The following SSTR3 variants were observed in gnomAD, a reference collection of about 807,000 sequenced individuals.
SSTR3 encodes somatostatin receptor 3, also known as somatostatin receptor type 3.
For synonymous variants in SSTR3, 281 were observed against 269.2 expected, an observed-to-expected ratio of 1.04 and a Z score of -0.43; for missense variants, 504 against 604.7, an observed-to-expected ratio of 0.83 and a Z score of 1.75.
rs1311670947 is a variant in SSTR3, at chr22:37,207,048, T to C, written c.756A>G (p.Glu252=). The C allele has an allele frequency of 3.7e-6, 6 of 1,612,186 alleles. No homozygotes were observed. Among genetic ancestry groups the C allele is most frequent in the Non-Finnish European group, 5.1e-6 (6 of 1,179,644 alleles). ...APSCQRRRRS[E]RRVTRMVVAV... ...CCACCACCATGCGCGTGACCCTGCG[T>C]TCGGAGCGCCGCCGCCGCTGGCACG... is the stretch of plus-strand genomic sequence containing the variant. Residue 252 remains glutamate, a synonymous_variant, in exon 2 of 2, where the codon GAA becomes GAG. Transcript: ENST00000610913.
In SSTR3 at chr22:37,211,767, AG is replaced by A. The variant is rs1412898696; in HGVS notation, c.-37+57del. ...AGCCTCCCAAGTTCATCCTGGGCAGAGGATGGGCTTCCAGGACCCCACCCTT... is the reference window on the plus strand; with the variant it reads ...AGCCTCCCAAGTTCATCCTGGGCAGAGATGGGCTTCCAGGACCCCACCCTT... On this transcript the variant is annotated intron_variant, in intron 1 of 1. Coordinates refer to ENST00000610913, the MANE Select transcript of SSTR3 (RefSeq NM_001051.5). The A allele has an allele frequency of 1.2e-5, 12 of 985,318 alleles. No homozygotes were observed. In the South Asian group the frequency reaches 3.8e-4, roughly 31 times the overall value. The allele number at this position is 985,318 out of a possible 1,614,324, so 61.0% of individuals were successfully genotyped here. A position where few individuals can be genotyped will look rare whatever the true frequency, so the allele number is the denominator to read the frequency against.
intron 1 of SSTR3, among the ~76,000 whole-genome samples, chr22:37,210,080 G>A (rs925368067): frequency 1.3e-5 from 2 of 152,162 alleles, no homozygotes; most frequent in Admixed American, 6.5e-5. Flanking sequence ...GGGGACCCGC[G>A]TCACCATCCA....
At position 37,204,793 on chromosome 22, in the gene SSTR3, G is replaced by A. The variant is rs1348430601; in HGVS notation, c.*1754C>T. On this transcript the variant is annotated 3_prime_UTR_variant, in exon 2 of 2. Transcript: ENST00000610913. ...GCCAAGCTGGGATTCATCTCCATTT[G>A]TTGATGGGGAAATTGAGGCCCGGAA... 6.6e-6 allele frequency: 1 copy of A among 152,318 alleles called. No homozygotes were observed. The highest frequency in any genetic ancestry group is 1.5e-5 in the Non-Finnish European group (1 of 68,094). 9.4% of individuals were successfully genotyped at this position (152,318 alleles called of 1,614,324 possible). A position where few individuals can be genotyped will look rare whatever the true frequency, so the allele number is the denominator to read the frequency against.
upstream of SSTR3, among the ~76,000 whole-genome samples, chr22:37,216,893 C>G (rs1430915324): frequency 2.0e-5 from 3 of 152,142 alleles, no homozygotes; most frequent in Non-Finnish European, 1.5e-5. Context: ...CTCTGCCTCC[C>G]AGGCCCAAGC....
chr22:37,220,222 G>A, the SSTR3 span, among the ~76,000 whole-genome samples: 1 of 152,128 alleles, frequency 6.6e-6, no homozygotes, highest in African/African-American at 2.4e-5. Context: ...GGAAGATCTG[G>A]GAGAGTAGGT....
At chr22:37,216,180 C>G (rs909374627), upstream of SSTR3, among the ~76,000 whole-genome samples, 164 of 150,430 alleles carry the variant, frequency 1.1e-3, 1 homozygote, top group Non-Finnish European at 1.8e-3. Context: ...AACAGCAGTC[C>G]TCCCCCATCC....
At chr22:37,210,326 C>T (rs1926114828) in intron 1 of SSTR3, among the ~76,000 whole-genome samples, 1 of 151,054 alleles carries the variant, frequency 6.6e-6, no homozygotes, top group South Asian at 2.1e-4. Context: ...CACCCACAAG[C>T]GCATGCGCTG....
upstream of SSTR3, among the ~76,000 whole-genome samples, chr22:37,216,196 AC>A (rs1042224171): frequency 2.2e-5 from 2 of 92,278 alleles, no homozygotes; most frequent in East Asian, 9.3e-4. Flanking sequence ...CATCCCTCCC[AC>A]CCCCCCATCC....
upstream of SSTR3, among the ~76,000 whole-genome samples, chr22:37,213,547 C>T (rs1569083004): frequency 6.6e-6 from 1 of 152,220 alleles, no homozygotes; most frequent in Non-Finnish European, 1.5e-5. Context: ...CACAGTAGGA[C>T]ACACCCACTT....
rs1311437187 is a variant in SSTR3 at position 37,206,666 on chromosome 22, G to C, written c.1138C>G (p.Pro380Ala). 1.2e-5 allele frequency: 20 copies of C among 1,610,124 alleles called. No homozygotes were observed. The highest frequency in any genetic ancestry group is 2.2e-5 in the East Asian group (1 of 44,882). ...MNGRVSQITQPGTSGQERPPS... is the reference protein window; with the variant it reads ...MNGRVSQITQAGTSGQERPPS... ...GGCCGCTCCTGCCCGCTGGTGCCAGGCTGCGTGATCTGGCTGACCCGGCCG... is the reference window on the plus strand; with the variant it reads ...GGCCGCTCCTGCCCGCTGGTGCCAGCCTGCGTGATCTGGCTGACCCGGCCG... Residue 380 changes from proline to alanine, a missense_variant, in exon 2 of 2, where the codon CCT (proline) becomes GCT (alanine). Coordinates refer to ENST00000610913, the MANE Select transcript of SSTR3 (RefSeq NM_001051.5).
Position 37,206,634 on chromosome 22 carries a change from G to T in SSTR3, c.1170C>A (p.Ser390Arg), listed in dbSNP as rs765795872. 1 of 1,611,536 alleles carries T rather than the reference G, an allele frequency of 6.2e-7. No individual in the cohort carries two copies. Among genetic ancestry groups the T allele is most frequent in the Non-Finnish European group, 8.5e-7 (1 of 1,179,996 alleles). Residue 390 changes from serine to arginine, a missense_variant, in exon 2 of 2, where the codon AGC (serine) becomes AGA (arginine). Ser to Arg is a moderately radical substitution (Grantham distance 110). Transcript: ENST00000610913. ...PGTSGQERPP[S>R]RVASKEQQLL... ...GCTGCTGCTCCTTGCTGGCCACTCT[G>T]CTGGGCGGCCGCTCCTGCCCGCTGG...
rs778006551 is a variant in SSTR3 at position 37,207,668 on chromosome 22, G to C, written c.136C>G (p.Leu46Val). Residue 46 changes from leucine to valine, a missense_variant, in exon 2 of 2, where the codon CTG becomes GTG. Transcript: ENST00000610913. ...SPAGLAVSGV[L>V]IPLVYLVVCV... Reference sequence around the variant, plus strand: ...ACCACCAGGTAGACCAGGGGGATCAGAACGCCACTGACGGCCAGCCCTGCC... The same window carrying C: ...ACCACCAGGTAGACCAGGGGGATCACAACGCCACTGACGGCCAGCCCTGCC... 1.3e-6 allele frequency: 2 copies of C among 1,577,592 alleles called. No individual in the cohort carries two copies. The highest frequency in any genetic ancestry group is 1.7e-6 in the Non-Finnish European group (2 of 1,157,858).
chr22:37,218,350 G>A, the SSTR3 span, among the ~76,000 whole-genome samples: 5 of 152,080 alleles, frequency 3.3e-5, no homozygotes, highest in Admixed American at 3.3e-4. Flanking sequence ...TGGGGTGGGA[G>A]TTCGAGACCA....
At chr22:37,215,828 G>T, upstream of SSTR3, 1 of 290,562 alleles carries the variant, frequency 3.4e-6, no homozygotes, top group South Asian at 3.7e-5. Context: ...CTGGGGAATG[G>T]GACAATTTTG....
At chr22:37,212,807 G>A (rs190749213), upstream of SSTR3, among the ~76,000 whole-genome samples, 383 of 152,232 alleles carry the variant, frequency 2.5e-3, no homozygotes, top group African/African-American at 8.6e-3. Context: ...CCCTGCAGTC[G>A]GGCACACCGG....
upstream of SSTR3, among the ~76,000 whole-genome samples, chr22:37,217,090 C>T (rs1308361006): frequency 6.6e-6 from 1 of 152,152 alleles, no homozygotes; most frequent in Non-Finnish European, 1.5e-5. Flanking sequence ...CGTGAGCCAC[C>T]GCGCCTGGCC....
chr22:37,210,816 G>A (rs1926146085), intron 1 of SSTR3: 2 of 985,494 alleles, frequency 2.0e-6, no homozygotes, highest in South Asian at 4.7e-5. Flanking sequence ...TAGAACACTG[G>A]CTCTTGAAGG....
Position 37,206,769 on chromosome 22 carries a change from C to T in SSTR3, c.1035G>A (p.Pro345=), listed in dbSNP as rs746704272. 17 of 1,610,584 alleles carry T rather than the reference C, an allele frequency of 1.1e-5. No individual in the cohort carries two copies. The highest frequency in any genetic ancestry group is 2.2e-5 in the East Asian group (1 of 44,898). The change falls in exon 2 of 2, where the codon CCG becomes CCA. Residue 345 remains proline (P), a synonymous_variant. Coordinates refer to ENST00000610913, the MANE Select transcript of SSTR3 (RefSeq NM_001051.5). ...CCTCATCCTCCTCCTCAGTCTTCTC[C>T]GGGGGCCCCACAGTGGGCTCCTGGC... ...VRSQEPTVGP[P]EKTEEEDEEE...
rs146025994 is a variant in SSTR3, at chr22:37,207,454, C to T, written c.350G>A (p.Arg117His). 32 of 1,613,640 alleles carry T rather than the reference C, an allele frequency of 2.0e-5. No homozygotes were observed. The highest frequency in any genetic ancestry group is 1.1e-4 in the South Asian group (10 of 91,076). The change falls in exon 2 of 2, where the codon CGC becomes CAC. Residue 117 changes from arginine (R) to histidine (H), a missense_variant. Transcript: ENST00000610913. ...SYWPFGSLMC[R>H]LVMAVDGINQ... ...GATGCCATCCACCGCCATGACCAGG[C>T]GGCACATGAGGGAGCCGAAGGGCCA...
Sources: gnomAD v4.1 joint callset for allele counts (sites outside exome capture counted in the v4.1 genomes callset) on GRCh38, gnomAD v4.1.1 for gene constraint, MANE v1.5 for transcripts, NCBI Gene and HGNC (gene_info 2026-07-23, HGNC 2026-07-21) for gene names.